PPFIBP2: variants seen among roughly 807,000 people sequenced by gnomAD.
PPFIBP2 encodes PPFIB scaffold protein 2, also known as liprin-beta-2.
PPFIBP2 carries 118 observed loss-of-function variants against 118.3 expected under a neutral mutation model. That is an observed-to-expected ratio of 1.00 (90% CI 0.86 to 1.16). PPFIBP2 has a LOEUF of 1.16. Ranked by LOEUF, PPFIBP2 falls within the 50% of genes most tolerant of loss-of-function variation. PPFIBP2 has a pLI of 0.00. For missense variants in PPFIBP2, 1,195 were observed against 1,073.1 expected (o/e 1.11, Z -1.59); for synonymous variants, 414 against 397.4 (o/e 1.04, Z -0.50).
chr11:7,529,452 T>C (rs1197311400), intron 1 of PPFIBP2, among the ~76,000 whole-genome samples: 1 of 151,836 alleles, frequency 6.6e-6, no homozygotes, highest in Admixed American at 6.6e-5. Context: ...CCCCAAAGAG[T>C]GTGGTGTCCA....
At chr11:7,556,151 A>G (rs1247384020) in intron 2 of PPFIBP2, among the ~76,000 whole-genome samples, 1 of 152,224 alleles carries the variant, frequency 6.6e-6, no homozygotes, top group Non-Finnish European at 1.5e-5. Flanking sequence ...AATTTAAACT[A>G]CGATTAAATT....
intron 7 of PPFIBP2, among the ~76,000 whole-genome samples, chr11:7,622,904 G>A (rs980665860): frequency 6.6e-6 from 1 of 152,142 alleles, no homozygotes; most frequent in Non-Finnish European, 1.5e-5. Flanking sequence ...CCAGCTCTTT[G>A]TCTTGGCATG....
intron 1 of PPFIBP2, among the ~76,000 whole-genome samples, chr11:7,515,707 T>G (rs1345018312): frequency 6.6e-6 from 1 of 152,168 alleles, no homozygotes; most frequent in Non-Finnish European, 1.5e-5. Context: ...TGGAAAATAG[T>G]CCCAGCTGTC....
At chr11:7,562,341 C>T (rs1440454522) in intron 2 of PPFIBP2, among the ~76,000 whole-genome samples, 1 of 152,236 alleles carries the variant, frequency 6.6e-6, no homozygotes, top group Admixed American at 6.5e-5. Flanking sequence ...TATTTCCTCA[C>T]TATATGGACT....
downstream of PPFIBP2, chr11:7,657,033 TG>T: frequency 3.0e-6 from 1 of 338,182 alleles, no homozygotes; most frequent in Non-Finnish European, 5.9e-6. Context: ...TCATACCTTT[TG>T]TACTTTTATA....
At chr11:7,560,194 T>G (rs1854139532) in intron 2 of PPFIBP2, among the ~76,000 whole-genome samples, 1 of 152,254 alleles carries the variant, frequency 6.6e-6, no homozygotes, top group Non-Finnish European at 1.5e-5. Flanking sequence ...CTGGGTTTAC[T>G]CACTTAATTT....
chr11:7,653,052 G>A lies in PPFIBP2; in HGVS notation c.2465G>A (p.Gly822Glu), dbSNP rs747731610. The A allele has an allele frequency of 6.2e-7, 1 of 1,612,772 alleles. No homozygotes were observed. Among genetic ancestry groups the A allele is most frequent in the Non-Finnish European group, 8.5e-7 (1 of 1,179,122 alleles). Residue 822 changes from glycine (G) to glutamate (E), a missense_variant, in exon 24 of 24, where the codon GGA becomes GAA. Gly to Glu is a moderately conservative substitution (Grantham distance 98). Coordinates refer to ENST00000299492, the MANE Select transcript of PPFIBP2 (RefSeq NM_003621.5). ...AGGAAACTAGGATTTTCACACTTCGGAAACATAAGAAAAAAGAAGTTCGAT... is the reference window on the plus strand; with the variant it reads ...AGGAAACTAGGATTTTCACACTTCGAAAACATAAGAAAAAAGAAGTTCGAT... ...RPRKLGFSHF[G>E]NIRKKKFDES...
chr11:7,531,701 T>A (rs1023350965), intron 1 of PPFIBP2, among the ~76,000 whole-genome samples: 5 of 152,170 alleles, frequency 3.3e-5, no homozygotes, highest in Non-Finnish European at 5.9e-5. Flanking sequence ...TGGGCTGCCA[T>A]AACAAAGTAC....
Position 7,575,996 on chromosome 11 carries a change from C to T in PPFIBP2, c.279+10229C>T, listed in dbSNP as rs148968872. Among the ~76,000 whole-genome samples the T allele has an allele frequency of 2.2e-3, 330 of 152,320 alleles. 2 individuals carry two copies. Among genetic ancestry groups the T allele is most frequent in the African/African-American group, 7.0e-3 (290 of 41,574 alleles). ...TGCTGGCTAGAGCTCTCCTCCTTGCCGCCTCTGTGATCTCTGTGGGCTGGC... is the reference window on the plus strand; with the variant it reads ...TGCTGGCTAGAGCTCTCCTCCTTGCTGCCTCTGTGATCTCTGTGGGCTGGC... On this transcript the variant is annotated intron_variant, in intron 3 of 23. Transcript: ENST00000299492.
intron 12 of PPFIBP2, among the ~76,000 whole-genome samples, chr11:7,634,180 C>T (rs1851143516): frequency 6.6e-6 from 1 of 152,182 alleles, no homozygotes; most frequent in Non-Finnish European, 1.5e-5. Flanking sequence ...AGACCTTGGC[C>T]TTTTATGACC....
intron 1 of PPFIBP2, among the ~76,000 whole-genome samples, chr11:7,519,982 C>T (rs111566908): frequency 0.016 from 2,493 of 152,296 alleles, 72 homozygotes; most frequent in African/African-American, 0.056. Flanking sequence ...TTCCTTTGTC[C>T]AGCTGCTGTG....
intron 4 of PPFIBP2, chr11:7,597,118 A>G (rs1860472560): frequency 5.7e-6 from 8 of 1,392,036 alleles, no homozygotes; most frequent in Non-Finnish European, 7.5e-6. Flanking sequence ...AGCAGTCCTC[A>G]CACCCTTATG....
intron 3 of PPFIBP2, among the ~76,000 whole-genome samples, chr11:7,583,173 T>C (rs182151725): frequency 3.9e-5 from 6 of 152,336 alleles, no homozygotes; most frequent in Admixed American, 2.6e-4. Context: ...TGTAATGTTA[T>C]TTTTGCTGCC....
At position 7,641,551 on chromosome 11, in the gene PPFIBP2, C is replaced by T. The variant is rs1852197313; in HGVS notation, c.1448C>T (p.Ser483Leu). Residue 483 changes from serine (S) to leucine (L), a missense_variant, in exon 16 of 24, where the codon TCA becomes TTA. Ser to Leu is a moderately radical substitution (Grantham distance 145). Coordinates refer to ENST00000299492, the MANE Select transcript of PPFIBP2 (RefSeq NM_003621.5). Reference sequence around the variant, plus strand: ...TCATCCACATCATCGGGCACTGAATCAGGTCCTCAGTCTCCTCTGACACCA... The same window carrying T: ...TCATCCACATCATCGGGCACTGAATTAGGTCCTCAGTCTCCTCTGACACCA... ...DLSSTSSGTE[S>L]GPQSPLTPDG... 6.2e-7 allele frequency: 1 copy of T among 1,613,604 alleles called. No individual in the cohort carries two copies. The highest frequency in any genetic ancestry group is 1.3e-5 in the African/African-American group (1 of 75,052).
At chr11:7,590,655 G>A (rs1859085503) in intron 3 of PPFIBP2, among the ~76,000 whole-genome samples, 1 of 152,188 alleles carries the variant, frequency 6.6e-6, no homozygotes, top group African/African-American at 2.4e-5. Flanking sequence ...AAAGTGCTCT[G>A]AACAGTGCCT....
rs111709242 is a variant in PPFIBP2, at chr11:7,628,300, G to C, written c.842G>C (p.Arg281Pro). The C allele has an allele frequency of 6.2e-7, 1 of 1,613,588 alleles. No homozygotes were observed. The highest frequency in any genetic ancestry group is 8.5e-7 in the Non-Finnish European group (1 of 1,179,808). ...ATTCTTTTAGACCAAGAAATTCAAC[G>C]TCTGAAAATGGGGATGGAAACTTTG... The part of the protein sequence containing the change: ...SHTERDQEIQ[R>P]LKMGMETLLL... Residue 281 changes from arginine (R) to proline (P), a missense_variant, in exon 9 of 24, where the codon CGT becomes CCT. Physicochemically the swap from Arg to Pro is moderately radical, Grantham distance 103. Coordinates refer to ENST00000299492, the MANE Select transcript of PPFIBP2 (RefSeq NM_003621.5).
At chr11:7,541,263 G>A (rs1036260659) in intron 1 of PPFIBP2, among the ~76,000 whole-genome samples, 10 of 152,226 alleles carry the variant, frequency 6.6e-5, no homozygotes, top group Non-Finnish European at 1.2e-4. Context: ...CAAAGTTTGA[G>A]GACCACGAGA....
chr11:7,614,946 G>A (rs1848463559), intron 6 of PPFIBP2, among the ~76,000 whole-genome samples: 1 of 152,184 alleles, frequency 6.6e-6, no homozygotes, highest in Admixed American at 6.5e-5. Context: ...TAGACATCAT[G>A]ATGTGGAACC....
intron 2 of PPFIBP2, among the ~76,000 whole-genome samples, chr11:7,554,426 T>C (rs1159885816): frequency 6.6e-6 from 1 of 152,148 alleles, no homozygotes; most frequent in Non-Finnish European, 1.5e-5. Flanking sequence ...AAACTCCTTC[T>C]AAAAAGAGTG....
Sources: gnomAD v4.1 joint callset for allele counts (sites outside exome capture counted in the v4.1 genomes callset) on GRCh38, gnomAD v4.1.1 for gene constraint, MANE v1.5 for transcripts, NCBI Gene and HGNC (gene_info 2026-07-23, HGNC 2026-07-21) for gene names.